Variants in AXDND1 observed in about 807,000 individuals in gnomAD.
The protein encoded by AXDND1 is axonemal dynein light chain domain containing 1, also known as axonemal dynein light chain domain-containing protein 1.
In AXDND1, 110 loss-of-function variants were observed where a neutral mutation model predicts 137.5. That is an observed-to-expected ratio of 0.80 (90% CI 0.69 to 0.94). The LOEUF (loss-of-function observed/expected upper bound fraction) is 0.94. Among genes scored for constraint, AXDND1 ranks in the 40% least tolerant of loss-of-function variants. The pLI is 0.00. For synonymous variants in AXDND1, 414 were observed against 399.7 expected, an observed-to-expected ratio of 1.04 and a Z score of -0.43; for missense variants, 1,191 against 1,169.8, an observed-to-expected ratio of 1.02 and a Z score of -0.26.
intron 14 of AXDND1, 36 bp from the exon 15 acceptor site, chr1:179,432,231 C>A: frequency 6.7e-7 from 1 of 1,497,214 alleles, no homozygotes; most frequent in South Asian, 1.3e-5. Context: ...ATGTCTTGTT[C>A]TGAGATGTTT....
intron 8 of AXDND1, 108 bp from the exon 9 acceptor site, chr1:179,385,130 T>C (rs1222833727): frequency 1.1e-6 from 1 of 904,692 alleles, no homozygotes; most frequent in Non-Finnish European, 1.7e-6. Context: ...GTGAAATAAA[T>C]TAATCAACGT....
chr1:179,521,115 C>T (rs1294265869), intron 21 of AXDND1, among the ~76,000 whole-genome samples: 1 of 151,996 alleles, frequency 6.6e-6, no homozygotes, highest in African/African-American at 2.4e-5. Flanking sequence ...GTGCGTGGCA[C>T]CATGCCTGGC....
intron 22 of AXDND1, among the ~76,000 whole-genome samples, chr1:179,526,387 A>G (rs139690442): frequency 0.015 from 2,266 of 152,282 alleles, 64 homozygotes; most frequent in African/African-American, 0.052. Context: ...CATTTTACAG[A>G]TAAGAAAACT....
At chr1:179,551,540 G>A (rs1218272484) in intron 25 of AXDND1, 2 of 1,479,126 alleles carry the variant, frequency 1.4e-6, no homozygotes, top group African/African-American at 1.4e-5. Flanking sequence ...GACAAGCACT[G>A]AGCATCTACT....
intron 16 of AXDND1, chr1:179,447,966 T>G (rs10913768): frequency 0.31 from 436,948 of 1,395,932 alleles, 71,145 homozygotes; most frequent in African/African-American, 0.38. Context: ...CCAAAGATGG[T>G]GACACCAGTG....
intron 9 of AXDND1, among the ~76,000 whole-genome samples, chr1:179,388,595 G>A (rs1291322006): frequency 7.7e-6 from 1 of 129,444 alleles, no homozygotes; most frequent in African/African-American, 2.8e-5. Flanking sequence ...TCCCCTAAGA[G>A]ATTTTTTTTT....
chr1:179,435,641 T>C (rs1039196231), intron 15 of AXDND1, among the ~76,000 whole-genome samples: 3 of 152,204 alleles, frequency 2.0e-5, no homozygotes, highest in African/African-American at 7.2e-5. Flanking sequence ...GCTAGTCATA[T>C]GCAGAAAACT....
intron 12 of AXDND1, among the ~76,000 whole-genome samples, chr1:179,424,707 G>A (rs1656303414): frequency 6.6e-6 from 1 of 152,088 alleles, no homozygotes; most frequent in South Asian, 2.1e-4. Context: ...TAGGATTGCA[G>A]GCGTGAGCCA....
chr1:179,469,410 A>C (rs1360004), intron 17 of AXDND1, among the ~76,000 whole-genome samples: 1 of 152,054 alleles, frequency 6.6e-6, no homozygotes, highest in South Asian at 2.1e-4. Context: ...TCATTTGTCC[A>C]TTGATAGACA....
intron 21 of AXDND1, among the ~76,000 whole-genome samples, chr1:179,523,639 C>T (rs924408315): frequency 1.3e-5 from 2 of 152,220 alleles, no homozygotes; most frequent in East Asian, 3.9e-4. Flanking sequence ...TAATATGTGG[C>T]CTTTTGTGCT....
chr1:179,427,174 C>T (rs1656695914), intron 12 of AXDND1, among the ~76,000 whole-genome samples: 1 of 76,142 alleles, frequency 1.3e-5, no homozygotes, highest in Non-Finnish European at 3.1e-5. Context: ...AAAACAAAAA[C>T]AAGAACAAAA....
intron 25 of AXDND1, 61 bp downstream of exon 25, chr1:179,535,023 G>T (rs2125709706): frequency 1.2e-6 from 2 of 1,601,546 alleles, no homozygotes; most frequent in East Asian, 4.5e-5. Context: ...AATTTGACTG[G>T]GCCACAAATA....
chr1:179,517,495 A>G (rs1669656465), intron 21 of AXDND1, among the ~76,000 whole-genome samples: 1 of 152,148 alleles, frequency 6.6e-6, no homozygotes, highest in Admixed American at 6.5e-5. Context: ...AATTGTTACA[A>G]AGTTCAGCTG....
chr1:179,528,081 T>A (rs1670707740), intron 22 of AXDND1, among the ~76,000 whole-genome samples: 1 of 152,214 alleles, frequency 6.6e-6, no homozygotes, highest in South Asian at 2.1e-4. Flanking sequence ...TACTGTCAGT[T>A]CCTGGAAGCT....
intron 25 of AXDND1, among the ~76,000 whole-genome samples, chr1:179,540,099 T>G (rs1572214955): frequency 6.6e-6 from 1 of 152,098 alleles, no homozygotes; most frequent in Admixed American, 6.5e-5. Context: ...CGTCTAATCT[T>G]TTTTCAAGGT....
At chr1:179,502,253 A>G (rs1668065946) in intron 20 of AXDND1, among the ~76,000 whole-genome samples, 1 of 152,176 alleles carries the variant, frequency 6.6e-6, no homozygotes, top group African/African-American at 2.4e-5. Context: ...CACTACTTAC[A>G]TAACAAGCTG....
intron 20 of AXDND1, 76 bp downstream of exon 20, chr1:179,493,027 TACA>T: frequency 1.1e-6 from 1 of 940,456 alleles, no homozygotes; most frequent in East Asian, 2.5e-5. Context: ...TCAATTGATG[TACA>T]ACAAGCTCAC....
intron 16 of AXDND1, among the ~76,000 whole-genome samples, chr1:179,459,723 TTTCC>T (rs997057138): frequency 1.0e-4 from 11 of 106,736 alleles, no homozygotes; most frequent in African/African-American, 2.9e-4. Flanking sequence ...TTTTTCTTTC[TTTCC>T]TTCCTTCCTT....
chr1:179,492,793 A>C, intron 19 of AXDND1, 62 bp from the exon 20 acceptor site: 2 of 1,111,260 alleles, frequency 1.8e-6, no homozygotes, highest in Non-Finnish European at 2.6e-6. Flanking sequence ...ACCAGCAATA[A>C]ATAGGTTATG....
Sources: allele counts gnomAD v4.1 joint callset (sites outside exome capture counted in the v4.1 genomes callset), GRCh38; gene constraint gnomAD v4.1.1; transcripts MANE v1.5; gene names NCBI Gene and HGNC (gene_info 2026-07-23, HGNC 2026-07-21).